The following HHLA2 variants were observed in gnomAD, a reference collection of about 807,000 sequenced individuals.
The protein encoded by HHLA2 is HERV-H LTR-associating protein 2.
In HHLA2, 48 loss-of-function variants were observed where a neutral mutation model predicts 45.9. The observed-to-expected ratio is 1.05, with a 90% CI of 0.83 to 1.33. The LOEUF is 1.33. HHLA2 is among the 40% of genes most tolerant of loss of function. The pLI is 0.00. For missense variants in HHLA2, 462 were observed against 494.3 expected (o/e 0.93, Z 0.62); for synonymous variants, 161 against 173.9 (o/e 0.93, Z 0.59).
intron 3 of HHLA2, among the ~76,000 whole-genome samples, chr3:108,341,379 T>C (rs2081568973): frequency 6.6e-6 from 1 of 152,228 alleles, no homozygotes; most frequent in Non-Finnish European, 1.5e-5. Context: ...GGTTTTTCTG[T>C]CAGAAAACTC....
chr3:108,335,715 C>T lies in HHLA2; in HGVS notation c.-27+7368C>T, dbSNP rs118059397. 3.0e-4 allele frequency among the ~76,000 whole-genome samples: 46 copies of T among 152,208 alleles called. 1 individual carries two copies. In the East Asian group the frequency reaches 8.1e-3, roughly 27 times the overall value. The stretch of plus-strand genomic sequence containing the variant: ...TGAAAAGGAGGCTGAACTGACCTGA[C>T]GGTATGAATGCGTATTCATGTGATT... On this transcript the variant is annotated intron_variant, in intron 3 of 10. Coordinates refer to ENST00000619531, the Ensembl canonical transcript of HHLA2.
chr3:108,334,872 G>A (rs2081445126), intron 3 of HHLA2, among the ~76,000 whole-genome samples: 2 of 152,124 alleles, frequency 1.3e-5, no homozygotes, highest in Admixed American at 1.3e-4. Context: ...CTTGAGTCAT[G>A]GAAAAGATGG....
At chr3:108,299,879 C>T (rs1454102124) in intron 1 of HHLA2, among the ~76,000 whole-genome samples, 1 of 152,068 alleles carries the variant, frequency 6.6e-6, no homozygotes, top group South Asian at 2.1e-4. Flanking sequence ...GATACAGAAT[C>T]CCTAAAGGTA....
At chr3:108,369,064 G>A (rs150387756) in intron 8 of HHLA2, among the ~76,000 whole-genome samples, 5,920 of 152,294 alleles carry the variant, frequency 0.039, 158 homozygotes, top group East Asian at 0.15. Flanking sequence ...TCAGGATTAA[G>A]AAACTCACTC....
intron 3 of HHLA2, among the ~76,000 whole-genome samples, chr3:108,342,323 G>A (rs1227572328): frequency 6.8e-6 from 1 of 146,886 alleles, no homozygotes; most frequent in Non-Finnish European, 1.5e-5. Context: ...GAGTGCAACG[G>A]CGCGCTCTCA....
At chr3:108,337,520 C>T (rs953689910) in intron 3 of HHLA2, among the ~76,000 whole-genome samples, 1 of 152,060 alleles carries the variant, frequency 6.6e-6, no homozygotes, top group African/African-American at 2.4e-5. Context: ...TGTGTTTGTA[C>T]CGTCAAAGTT....
At chr3:108,356,821 G>A (rs2081901519) in intron 6 of HHLA2, among the ~76,000 whole-genome samples, 1 of 152,164 alleles carries the variant, frequency 6.6e-6, no homozygotes, top group East Asian at 1.9e-4. Flanking sequence ...AGCTTACAAA[G>A]GGAGTGATTA....
At chr3:108,369,192 C>T (rs773523501) in intron 8 of HHLA2, among the ~76,000 whole-genome samples, 11 of 152,150 alleles carry the variant, frequency 7.2e-5, no homozygotes, top group Admixed American at 1.3e-4. Context: ...GAAGACACAA[C>T]GTACCAGAAT....
chr3:108,376,648 C>G, intron 10 of HHLA2, 91 bp downstream of exon 9: 1 of 1,112,114 alleles, frequency 9.0e-7, no homozygotes, highest in Middle Eastern at 2.0e-4. Context: ...CACATATCAT[C>G]AAGCAAGACT....
chr3:108,377,960 T>G (rs1320404422), exon 11 of HHLA2: 2 of 152,036 alleles, frequency 1.3e-5, no homozygotes, highest in African/African-American at 4.8e-5. Flanking sequence ...ACAAAAGAAG[T>G]AAAAATAGCC....
At chr3:108,363,535 G>T (rs1273805640) in intron 8 of HHLA2, among the ~76,000 whole-genome samples, 4 of 152,104 alleles carry the variant, frequency 2.6e-5, no homozygotes, top group Non-Finnish European at 5.9e-5. Flanking sequence ...CAGTTTTAGG[G>T]GCAATGGAGA....
At chr3:108,302,349 C>T (rs753042215) in intron 1 of HHLA2, 21 of 152,182 alleles carry the variant, frequency 1.4e-4, no homozygotes, top group Non-Finnish European at 2.2e-4. Flanking sequence ...CCTCCTACCC[C>T]TTATTCTCCT....
At chr3:108,328,493 T>C (rs2081329078) in intron 3 of HHLA2, 3 of 613,810 alleles carry the variant, frequency 4.9e-6, no homozygotes, top group South Asian at 5.0e-5. Context: ...GTGAATATTA[T>C]TATCCCTGTT....
Position 108,357,872 on chromosome 3 carries a change from C to G in HHLA2, c.714C>G (p.His238Gln), listed in dbSNP as rs138516182. ...GCCTTCATAAAATGCAAAGTGAACACGTTTCACTCTCATGTCAACCTGTAA... is the reference window on the plus strand; with the variant it reads ...GCCTTCATAAAATGCAAAGTGAACAGGTTTCACTCTCATGTCAACCTGTAA... Residue 238 changes from histidine (H) to glutamine (Q), a missense_variant, in exon 7 of 11, where the codon CAC becomes CAG. His to Gln is a conservative substitution (Grantham distance 24). Coordinates refer to ENST00000619531, the Ensembl canonical transcript of HHLA2. 1,087 of 1,612,186 alleles carry G rather than the reference C, an allele frequency of 6.7e-4. 8 individuals are homozygous for G. The African/African-American group carries it at 0.012, about 17-fold the overall frequency.
intron 2 of HHLA2, among the ~76,000 whole-genome samples, chr3:108,320,858 A>G (rs773922879): frequency 3.9e-5 from 6 of 152,114 alleles, no homozygotes; most frequent in African/African-American, 1.2e-4. Flanking sequence ...CAAAGCAGGT[A>G]CTAACCACGT....
chr3:108,360,904 G>A (rs1230617410), intron 7 of HHLA2, among the ~76,000 whole-genome samples: 1 of 152,180 alleles, frequency 6.6e-6, no homozygotes, highest in Admixed American at 6.5e-5. Context: ...AAACACTATA[G>A]TATGTTCATA....
chr3:108,362,889 G>A (rs1015683759), intron 8 of HHLA2, among the ~76,000 whole-genome samples: 18 of 152,138 alleles, frequency 1.2e-4, no homozygotes, highest in African/African-American at 4.3e-4. Flanking sequence ...TGGAGTGATA[G>A]GACCATGAGT....
At chr3:108,332,053 C>A (rs1002456461) in intron 3 of HHLA2, among the ~76,000 whole-genome samples, 1 of 152,114 alleles carries the variant, frequency 6.6e-6, no homozygotes, top group Non-Finnish European at 1.5e-5. Context: ...AAATTGTAGA[C>A]CACGTTAGTT....
At chr3:108,375,672 C>A in intron 8 of HHLA2, 78 bp from the exon 8 acceptor site, 1 of 1,533,142 alleles carries the variant, frequency 6.5e-7, no homozygotes, top group African/African-American at 1.4e-5. Flanking sequence ...AGGACAGAGC[C>A]ATACCAAGGT....
Sources: gnomAD v4.1 joint callset for allele counts (sites outside exome capture counted in the v4.1 genomes callset) on GRCh38, gnomAD v4.1.1 for gene constraint, MANE v1.5 for transcripts, NCBI Gene and HGNC (gene_info 2026-07-23, HGNC 2026-07-21) for gene names.